DNAH14: variants seen among roughly 807,000 people sequenced by gnomAD.
DNAH14 encodes the protein dynein axonemal heavy chain 14.
A neutral mutation model predicts 520.9 loss-of-function variants in DNAH14; 478 were observed. The observed-to-expected ratio is 0.92, with a 90% CI of 0.85 to 0.99. The LOEUF is 0.99. Ranked by LOEUF, DNAH14 falls within the 50% of genes least tolerant of loss-of-function variation. The probability of loss-of-function intolerance (pLI) is 0.00; values close to 1 mark genes in which losing one functional copy is unlikely to be tolerated. For synonymous variants in DNAH14, 1,581 were observed against 1,757.2 expected (o/e 0.90, Z 2.51); for missense variants, 4,831 against 5,234.5 (o/e 0.92, Z 2.38).
In DNAH14 at chr1:225,023,765, C is replaced by G. The variant is rs545174074; in HGVS notation, c.1258C>G (p.Arg420Gly). The change falls in exon 11 of 86, where the codon CGT becomes GGT. Residue 420 changes from arginine to glycine, a missense_variant. Coordinates refer to ENST00000682510, the MANE Select transcript of DNAH14 (RefSeq NM_001367479.1). ...TGACTACATATTTCAGGAACTCATT[C>G]GTCAACTTATGAACACTGCAGTCAC... ...LVDYIFQELI[R>G]QLMNTAVTLL... 2.1e-4 allele frequency: 330 copies of G among 1,550,542 alleles called. 1 individual carries two copies. The highest frequency in any genetic ancestry group is 2.6e-4 in the Non-Finnish European group (298 of 1,146,482).
intron 1 of DNAH14, among the ~76,000 whole-genome samples, chr1:224,945,477 C>T (rs1431425417): frequency 6.6e-6 from 1 of 151,900 alleles, no homozygotes; most frequent in Non-Finnish European, 1.5e-5. Context: ...TCATCTGAAG[C>T]CTTCTCTCAA....
chr1:225,100,118 C>T (rs2075321645), intron 22 of DNAH14, among the ~76,000 whole-genome samples: 1 of 152,062 alleles, frequency 6.6e-6, no homozygotes, highest in Non-Finnish European at 1.5e-5. Context: ...GTTTTGCTTC[C>T]CTTTTCCAAA....
At chr1:225,190,090 G>T (rs2085234119) in intron 37 of DNAH14, among the ~76,000 whole-genome samples, 1 of 151,848 alleles carries the variant, frequency 6.6e-6, no homozygotes, top group South Asian at 2.1e-4. Flanking sequence ...TACATTCCAT[G>T]ACCCCAAGTG....
At chr1:225,261,136 T>G (rs2092920927) in intron 46 of DNAH14, among the ~76,000 whole-genome samples, 1 of 152,212 alleles carries the variant, frequency 6.6e-6, no homozygotes, top group African/African-American at 2.4e-5. Flanking sequence ...TTTATTTCTT[T>G]CCTTGCCTAA....
intron 37 of DNAH14, among the ~76,000 whole-genome samples, chr1:225,188,830 T>G (rs2149334701): frequency 6.6e-6 from 1 of 152,048 alleles, no homozygotes; most frequent in South Asian, 2.1e-4. Context: ...CAGATGTCTT[T>G]CCATTTTTAT....
chr1:225,268,739 G>A (rs1202242058), intron 49 of DNAH14, among the ~76,000 whole-genome samples: 1 of 152,146 alleles, frequency 6.6e-6, no homozygotes, highest in Non-Finnish European at 1.5e-5. Context: ...TTGCTTCAAA[G>A]AGAATAAAAT....
chr1:225,361,367 A>C (rs1342586596), intron 75 of DNAH14, among the ~76,000 whole-genome samples: 3 of 152,188 alleles, frequency 2.0e-5, no homozygotes, highest in African/African-American at 4.8e-5. Flanking sequence ...GCACTTAGTC[A>C]CTCATGCAGA....
intron 23 of DNAH14, 97 bp downstream of exon 23, chr1:225,100,981 A>G: frequency 9.7e-7 from 1 of 1,028,064 alleles, no homozygotes; most frequent in Non-Finnish European, 1.3e-6. Context: ...TCCAGTGCAG[A>G]TTTTCTTTAT....
intron 25 of DNAH14, 76 bp downstream of exon 25, chr1:225,118,075 A>G (rs1404023173): frequency 1.7e-6 from 2 of 1,167,300 alleles, no homozygotes; most frequent in East Asian, 2.6e-5. Flanking sequence ...AATTTTTGAT[A>G]TATTATAAAA....
At chr1:225,103,894 C>A (rs1219525191) in intron 23 of DNAH14, among the ~76,000 whole-genome samples, 1 of 148,538 alleles carries the variant, frequency 6.7e-6, no homozygotes, top group African/African-American at 2.5e-5. Context: ...CCTTCCCCTG[C>A]CTGATTGCCC....
chr1:225,042,988 G>C lies in DNAH14; in HGVS notation c.1642G>C (p.Val548Leu). 6.4e-7 allele frequency: 1 copy of C among 1,551,972 alleles called. No individual in the cohort carries two copies. Among genetic ancestry groups the C allele is most frequent in the Non-Finnish European group, 8.7e-7 (1 of 1,147,058 alleles). The change falls in exon 13 of 86, where the codon GTG becomes CTG. Residue 548 changes from valine to leucine, a missense_variant. Coordinates refer to ENST00000682510, the MANE Select transcript of DNAH14 (RefSeq NM_001367479.1). ...HESDQCPEECVMFEDEMSENK... is the reference protein window; with the variant it reads ...HESDQCPEECLMFEDEMSENK... ...GTCTGACCAGTGCCCTGAAGAGTGT[G>C]TGATGTTTGAAGATGAAATGTCAGA...
chr1:225,215,627 T>C (rs1419960188), intron 41 of DNAH14, among the ~76,000 whole-genome samples: 1 of 152,258 alleles, frequency 6.6e-6, no homozygotes, highest in East Asian at 1.9e-4. Context: ...TCTTGTTGAA[T>C]TGATCCCTTT....
At chr1:225,138,923 G>A (rs922490861) in intron 27 of DNAH14, among the ~76,000 whole-genome samples, 2 of 152,158 alleles carry the variant, frequency 1.3e-5, no homozygotes, top group Non-Finnish European at 2.9e-5. Context: ...CTCTCCGTGA[G>A]TGTCGTGGAC....
In DNAH14 at chr1:225,252,309, C is replaced by T. The variant is rs376690622; in HGVS notation, c.6757C>T (p.Leu2253=). 6.5e-7 allele frequency: 1 copy of T among 1,544,772 alleles called. No individual in the cohort carries two copies. The highest frequency in any genetic ancestry group is 1.2e-5 in the South Asian group (1 of 83,682). The change falls in exon 44 of 86, where the codon CTA becomes TTA. Residue 2253 remains leucine, a synonymous_variant. Coordinates refer to ENST00000682510, the MANE Select transcript of DNAH14 (RefSeq NM_001367479.1). ...ATTATTTTCGGTTGTAGGCATCAAC[C>T]TACCAACTGGTGAATGTTCCATCTT... is the stretch of plus-strand genomic sequence containing the variant. ...FGNSSQVGIN[L]PTGECSIFGY...
intron 55 of DNAH14, among the ~76,000 whole-genome samples, chr1:225,292,451 G>C (rs2093914476): frequency 6.6e-6 from 1 of 151,976 alleles, no homozygotes; most frequent in South Asian, 2.1e-4. Flanking sequence ...CTATTCCATT[G>C]GTCTATGTGT....
chr1:224,977,835 T>C (rs1390061730), intron 8 of DNAH14, among the ~76,000 whole-genome samples: 9 of 152,004 alleles, frequency 5.9e-5, no homozygotes. Context: ...AAATAAATAA[T>C]CTGATTTAAA....
At chr1:225,378,555 T>G (rs2095734494) in intron 79 of DNAH14, among the ~76,000 whole-genome samples, 1 of 152,174 alleles carries the variant, frequency 6.6e-6, no homozygotes, top group Non-Finnish European at 1.5e-5. Context: ...AGGATAATAT[T>G]CATTTGACTG....
In DNAH14 at chr1:225,140,780, T is replaced by C; in HGVS notation, c.4267T>C (p.Phe1423Leu). 6.5e-7 allele frequency: 1 copy of C among 1,538,164 alleles called. No homozygotes were observed. The highest frequency in any genetic ancestry group is 1.4e-5 in the African/African-American group (1 of 72,864). ...CTTACTTTTTCAGAGCCAGATCATG[T>C]TTTATAATGATTGTGTTAAAAGTTT... ...QVVLTVSQIMFYNDCVKSFVS... is the reference protein window; with the variant it reads ...QVVLTVSQIMLYNDCVKSFVS... Residue 1423 changes from phenylalanine (F) to leucine (L), a missense_variant, in exon 28 of 86, where the codon TTT becomes CTT. Phe to Leu is a conservative substitution (Grantham distance 22). Transcript: ENST00000682510.
In DNAH14 at chr1:225,168,787, G is replaced by T. The variant is rs144556268; in HGVS notation, c.5535+759G>T. ...CAGACTTAAATGTCCCTGTCTGACA[G>T]CTTTGAAGAGAGTAGTGGTTCTCCC... On this transcript the variant is annotated intron_variant, in intron 36 of 85. Coordinates refer to ENST00000682510, the MANE Select transcript of DNAH14 (RefSeq NM_001367479.1). Among the ~76,000 whole-genome samples, 589 of 152,302 alleles carry T rather than the reference G, an allele frequency of 3.9e-3. 5 individuals carry two copies. The highest frequency in any genetic ancestry group is 0.013 in the African/African-American group (557 of 41,564).
Sources: gnomAD v4.1 joint callset for allele counts (sites outside exome capture counted in the v4.1 genomes callset) on GRCh38, gnomAD v4.1.1 for gene constraint, MANE v1.5 for transcripts, NCBI Gene and HGNC (gene_info 2026-07-23, HGNC 2026-07-21) for gene names.